ADGRD1: variants seen among roughly 807,000 people sequenced by gnomAD.
ADGRD1 encodes adhesion G protein-coupled receptor D1, also known as G-protein coupled receptor 133.
Under a neutral mutation model 113.4 loss-of-function variants are expected in ADGRD1, and 77 were observed. That is an observed-to-expected ratio of 0.68 (90% confidence interval 0.57 to 0.82). The LOEUF is 0.82. ADGRD1 is among the 40% of genes least tolerant of loss of function. ADGRD1 has a pLI of 0.00. For synonymous variants in ADGRD1, 474 were observed against 475.0 expected, an observed-to-expected ratio of 1.00 and a Z score of 0.03; for missense variants, 1,036 against 1,139.1, an observed-to-expected ratio of 0.91 and a Z score of 1.30.
At chr12:130,979,028 G>A (rs954296400) in intron 4 of ADGRD1, among the ~76,000 whole-genome samples, 6 of 152,120 alleles carry the variant, frequency 3.9e-5, no homozygotes, top group African/African-American at 7.2e-5. Flanking sequence ...ACCCCTCAGC[G>A]CCCAAGGCAG....
At chr12:131,136,013 G>A (rs1348150222) in intron 21 of ADGRD1, 24 bp from the exon 22 acceptor site, 2 of 1,613,572 alleles carry the variant, frequency 1.2e-6, no homozygotes, top group African/African-American at 1.3e-5. Context: ...GCCACTCAGG[G>A]TGACTGTCAC....
chr12:130,993,935 G>A, intron 8 of ADGRD1: 1 of 164,532 alleles, frequency 6.1e-6, no homozygotes, highest in Non-Finnish European at 1.3e-5. Flanking sequence ...GGAAAGAACG[G>A]GTCGGGAGAC....
chr12:131,013,166 G>C (rs1878137997), intron 12 of ADGRD1, among the ~76,000 whole-genome samples: 2 of 152,076 alleles, frequency 1.3e-5, no homozygotes, highest in Admixed American at 6.5e-5. Context: ...ATAACCCCAC[G>C]AGACAGCCAC....
intron 8 of ADGRD1, among the ~76,000 whole-genome samples, chr12:130,997,102 C>A (rs374632917): frequency 1.8e-5 from 2 of 110,890 alleles, no homozygotes; most frequent in Admixed American, 8.0e-5. Context: ...AGGCACCCCT[C>A]ACCTCCTGGA....
At chr12:131,121,037 G>T in intron 20 of ADGRD1, 124 bp downstream of exon 20, 2 of 818,688 alleles carry the variant, frequency 2.4e-6, no homozygotes, top group South Asian at 1.7e-5. Flanking sequence ...GTCGTTCCTC[G>T]GTCACTCCTC....
At chr12:131,117,442 GTC>G (rs1026403023) in intron 18 of ADGRD1, among the ~76,000 whole-genome samples, 3 of 152,042 alleles carry the variant, frequency 2.0e-5, no homozygotes, top group Non-Finnish European at 4.4e-5. Context: ...TTCTTTTTCC[GTC>G]TCTCAGATCT....
chr12:130,980,530 T>TG (rs1258181856), intron 4 of ADGRD1: 1 of 152,312 alleles, frequency 6.6e-6, no homozygotes, highest in Non-Finnish European at 1.5e-5. Flanking sequence ...CCTGAGTAGC[T>TG]GGGACTACAG....
At chr12:131,094,809 C>T (rs1179430422) in intron 15 of ADGRD1, among the ~76,000 whole-genome samples, 2 of 152,354 alleles carry the variant, frequency 1.3e-5, no homozygotes, top group South Asian at 2.1e-4. Flanking sequence ...TCCAGGTGCA[C>T]GGGTGCACGC....
intron 17 of ADGRD1, among the ~76,000 whole-genome samples, chr12:131,108,344 AAGGG>A (rs1479333293): frequency 1.3e-5 from 2 of 152,104 alleles, no homozygotes; most frequent in Non-Finnish European, 2.9e-5. Flanking sequence ...TCCTCACTTG[AAGGG>A]AGGGAAACTC....
chr12:130,974,370 A>G (rs1418624556), intron 4 of ADGRD1, among the ~76,000 whole-genome samples: 2 of 152,198 alleles, frequency 1.3e-5, no homozygotes, highest in South Asian at 2.1e-4. Flanking sequence ...GTTTTCACAT[A>G]TATTATTTAA....
chr12:131,127,413 G>A (rs990955247), intron 20 of ADGRD1, among the ~76,000 whole-genome samples: 3 of 152,360 alleles, frequency 2.0e-5, no homozygotes, highest in South Asian at 2.1e-4. Flanking sequence ...GCAGAACCAC[G>A]CTTTATAGCC....
intron 2 of ADGRD1, among the ~76,000 whole-genome samples, chr12:130,963,325 A>C (rs1782356799): frequency 6.7e-6 from 1 of 149,148 alleles, no homozygotes; most frequent in Non-Finnish European, 1.5e-5. Flanking sequence ...GTCTCAAAAA[A>C]AAAAAAAAAA....
intron 13 of ADGRD1, among the ~76,000 whole-genome samples, chr12:131,015,330 A>G (rs1266727046): frequency 6.6e-6 from 1 of 151,416 alleles, no homozygotes; most frequent in African/African-American, 2.4e-5. Context: ...GGGACTGGAG[A>G]TGGAGGTGCG....
intron 13 of ADGRD1, among the ~76,000 whole-genome samples, chr12:131,039,790 C>A (rs747491837): frequency 1.3e-5 from 2 of 152,242 alleles, no homozygotes; most frequent in Non-Finnish European, 2.9e-5. Flanking sequence ...CCAAACAGGG[C>A]TTTCTGCTTT....
At chr12:131,047,228 G>A (rs564006651) in intron 13 of ADGRD1, among the ~76,000 whole-genome samples, 74 of 152,352 alleles carry the variant, frequency 4.9e-4, no homozygotes, top group African/African-American at 1.4e-3. Context: ...GGGCAGGGGC[G>A]AGTCCTGTGA....
At chr12:131,006,326 C>T (rs1374498175) in intron 12 of ADGRD1, among the ~76,000 whole-genome samples, 1 of 152,240 alleles carries the variant, frequency 6.6e-6, no homozygotes, top group Non-Finnish European at 1.5e-5. Context: ...AGGGACTTAA[C>T]CTCTCTGAGC....
rs368192987 is a variant in ADGRD1 at position 131,003,342 on chromosome 12, G to A, written c.1144+40G>A. The A allele has an allele frequency of 3.6e-5, 49 of 1,364,182 alleles. No individual in the cohort carries two copies. Among genetic ancestry groups the A allele is most frequent in the Non-Finnish European group, 4.0e-5 (38 of 956,426 alleles). The allele number at this position is 1,364,182 out of a possible 1,614,324, so 84.5% of individuals were successfully genotyped here. On this transcript the variant is annotated intron_variant, in intron 10 of 24. Transcript: ENST00000261654. The surrounding 1 kb of genome is among the most constrained non-coding windows in gnomAD (Gnocchi z 4.8). ...TAAGGGTGAGCCACATGGCAGGGGCGGGGGCTGGAGGCTGCGTTTCACTGC... is the reference window on the plus strand; with the variant it reads ...TAAGGGTGAGCCACATGGCAGGGGCAGGGGCTGGAGGCTGCGTTTCACTGC...
intron 13 of ADGRD1, among the ~76,000 whole-genome samples, chr12:131,067,108 T>C (rs1321914758): frequency 1.3e-5 from 2 of 150,966 alleles, no homozygotes; most frequent in Non-Finnish European, 3.0e-5. Context: ...GGTCAAGGAT[T>C]TGGGGGCTCA....
chr12:130,958,672 G>A (rs1869974325), intron 2 of ADGRD1, among the ~76,000 whole-genome samples: 1 of 152,210 alleles, frequency 6.6e-6, no homozygotes, highest in Non-Finnish European at 1.5e-5. Flanking sequence ...GGCAGAGGAA[G>A]CCTGGCCCTG....
Sources: allele counts gnomAD v4.1 joint callset (sites outside exome capture counted in the v4.1 genomes callset), GRCh38; gene constraint gnomAD v4.1.1; non-coding constraint Gnocchi (gnomAD v3.1); transcripts MANE v1.5; gene names NCBI Gene and HGNC (gene_info 2026-07-23, HGNC 2026-07-21).